Variants in TNNI3K observed in about 807,000 individuals in gnomAD.
TNNI3K encodes the protein TNNI3 interacting kinase, also known as serine/threonine-protein kinase TNNI3K.
Under a neutral mutation model 114.5 loss-of-function variants are expected in TNNI3K, and 140 were observed. The observed-to-expected ratio is 1.22, with a 90% confidence interval of 1.07 to 1.41. TNNI3K has a LOEUF of 1.41. Among genes scored for constraint, TNNI3K ranks in the 40% most tolerant of loss-of-function variants. The probability of loss-of-function intolerance (pLI) is 0.00; values close to 1 mark genes in which losing one functional copy is unlikely to be tolerated. For missense variants in TNNI3K, 1,125 were observed against 1,007.6 expected (o/e 1.12, Z -1.58); for synonymous variants, 347 against 347.5 (o/e 1.00, Z 0.02).
Position 74,311,966 on chromosome 1 carries a change from G to T in TNNI3K, c.445-19484G>T, listed in dbSNP as rs1031567668. Among the ~76,000 whole-genome samples, 3 of 152,082 alleles carry T rather than the reference G, an allele frequency of 2.0e-5. No individual in the cohort carries two copies. The East Asian group carries it at 5.8e-4, about 29-fold the overall frequency. ...CCTCATTAACATTATAAAGTTAACAGCCTTTAAGTTTGATAACCTGTGTGA... is the reference window on the plus strand; with the variant it reads ...CCTCATTAACATTATAAAGTTAACATCCTTTAAGTTTGATAACCTGTGTGA... On this transcript the variant is annotated intron_variant, in intron 5 of 24. Transcript: ENST00000326637.
Position 74,527,658 on chromosome 1 carries a change from T to A in TNNI3K, c.2352-12576T>A, listed in dbSNP as rs1570744502. On this transcript the variant is annotated intron_variant, in intron 23 of 24. Transcript: ENST00000326637. ...TATCAGCCAGGACAGGGTGTTAGGG[T>A]GTTGATCTACATGTGTTGGGCAGCC... is the stretch of plus-strand genomic sequence containing the variant. 2.0e-5 allele frequency among the ~76,000 whole-genome samples: 3 copies of A among 152,110 alleles called. No homozygotes were observed. In the South Asian group the frequency reaches 6.2e-4, roughly 32 times the overall value.
At chr1:74,289,280 A>G (rs1209314599) in intron 5 of TNNI3K, among the ~76,000 whole-genome samples, 1 of 150,654 alleles carries the variant, frequency 6.6e-6, no homozygotes, top group African/African-American at 2.5e-5. Context: ...TAATTAAAAA[A>G]TGATGATCAC....
chr1:74,356,771 A>G (rs1050436195), intron 11 of TNNI3K, among the ~76,000 whole-genome samples: 6 of 152,324 alleles, frequency 3.9e-5, no homozygotes, highest in Non-Finnish European at 5.9e-5. Context: ...TTTCCTATGA[A>G]ATGTCAACAA....
intron 17 of TNNI3K, among the ~76,000 whole-genome samples, chr1:74,419,661 CTAGA>C (rs1665299595): frequency 6.6e-6 from 1 of 152,048 alleles, no homozygotes; most frequent in African/African-American, 2.4e-5. Context: ...TGTCTACAAA[CTAGA>C]TATTCAGCAT....
chr1:74,480,901 GT>G (rs1222316515), intron 21 of TNNI3K: 10 of 717,292 alleles, frequency 1.4e-5, no homozygotes, highest in Non-Finnish European at 2.3e-5. Flanking sequence ...AGAGAGACAG[GT>G]TTGTGCTCTC....
At chr1:74,388,715 T>G (rs1231676442) in intron 17 of TNNI3K, among the ~76,000 whole-genome samples, 1 of 152,254 alleles carries the variant, frequency 6.6e-6, no homozygotes, top group African/African-American at 2.4e-5. Context: ...GTTCTCATAT[T>G]TGAATATTTT....
At chr1:74,357,120 C>T (rs937354021) in intron 11 of TNNI3K, among the ~76,000 whole-genome samples, 1 of 152,174 alleles carries the variant, frequency 6.6e-6, no homozygotes, top group Non-Finnish European at 1.5e-5. Context: ...TGCTTCCCTG[C>T]CTCCTTGGAG....
rs1242698398 is a variant in TNNI3K, at chr1:74,331,451, C to T, written c.446C>T (p.Ala149Val). The T allele has an allele frequency of 2.5e-6, 4 of 1,612,654 alleles. No individual in the cohort carries two copies. In the African/African-American group the frequency reaches 5.3e-5, roughly 22 times the overall value. The change falls in exon 6 of 25, where the codon GCT becomes GTT. Residue 149 changes from alanine (A) to valine (V), a missense_variant and splice_region_variant. Ala to Val is a moderately conservative substitution (Grantham distance 64). Coordinates refer to ENST00000326637, the MANE Select transcript of TNNI3K (RefSeq NM_015978.3). ...AACCATAATCATTTTCTTGTCCAGG[C>T]TGCTGATGTGCTGTTGCAACATGGA... ...HIATIAGHLE[A>V]ADVLLQHGAN...
At position 74,354,817 on chromosome 1, in the gene TNNI3K, C is replaced by T. The variant is rs114442775; in HGVS notation, c.1177+688C>T. Reference sequence around the variant, plus strand: ...GATAATATACGCAAATTGCTTAGAACAGTGGCTGACACAAAATAAATGCTA... The same window carrying T: ...GATAATATACGCAAATTGCTTAGAATAGTGGCTGACACAAAATAAATGCTA... On this transcript the variant is annotated intron_variant, in intron 11 of 24. Transcript: ENST00000326637. Among the ~76,000 whole-genome samples the T allele has an allele frequency of 6.6e-3, 1,001 of 152,230 alleles. 15 individuals carry two copies. Among genetic ancestry groups the T allele is most frequent in the African/African-American group, 0.023 (961 of 41,556 alleles).
At chr1:74,478,155 G>A (rs1222744715) in intron 21 of TNNI3K, among the ~76,000 whole-genome samples, 1 of 152,140 alleles carries the variant, frequency 6.6e-6, no homozygotes, top group Non-Finnish European at 1.5e-5. Context: ...CACCACACGT[G>A]TGCTTCAGAA....
chr1:74,250,368 A>T (rs78485986), intron 3 of TNNI3K, among the ~76,000 whole-genome samples: 2 of 152,300 alleles, frequency 1.3e-5, no homozygotes, highest in Non-Finnish European at 2.9e-5. Context: ...CTTTTTCACT[A>T]ATAGTTTATT....
At chr1:74,308,934 C>T (rs1658812425) in intron 5 of TNNI3K, among the ~76,000 whole-genome samples, 1 of 152,084 alleles carries the variant, frequency 6.6e-6, no homozygotes, top group African/African-American at 2.4e-5. Context: ...AACACACCAC[C>T]TCCTAAGACT....
chr1:74,250,461 A>C (rs755662880), intron 3 of TNNI3K, among the ~76,000 whole-genome samples: 16 of 152,240 alleles, frequency 1.1e-4, no homozygotes, highest in Non-Finnish European at 2.2e-4. Flanking sequence ...CAGAGTCAAA[A>C]TACACAGCAT....
chr1:74,502,167 A>G (rs1669666955), intron 23 of TNNI3K, among the ~76,000 whole-genome samples: 1 of 152,194 alleles, frequency 6.6e-6, no homozygotes, highest in Non-Finnish European at 1.5e-5. Context: ...TGGAGTGATA[A>G]TCTTAGAAAA....
chr1:74,500,368 G>A lies in TNNI3K; in HGVS notation c.2351+8102G>A, dbSNP rs368577879. ...AAAATTATTTAAGCCTTGGGAGGCC[G>A]AGGCGGGCGGATCACGAGGTCAGGA... On this transcript the variant is annotated intron_variant, in intron 23 of 24. Coordinates refer to ENST00000326637, the MANE Select transcript of TNNI3K (RefSeq NM_015978.3). 5.3e-5 allele frequency among the ~76,000 whole-genome samples: 8 copies of A among 151,580 alleles called. No homozygotes were observed. In the East Asian group the frequency reaches 1.5e-3, roughly 29 times the overall value.
At chr1:74,304,552 C>T (rs907824820) in intron 5 of TNNI3K, among the ~76,000 whole-genome samples, 1 of 152,160 alleles carries the variant, frequency 6.6e-6, no homozygotes, top group Non-Finnish European at 1.5e-5. Flanking sequence ...ACATGAACCT[C>T]CTCACTCAGC....
Position 74,536,914 on chromosome 1 carries a change from G to A in TNNI3K, c.2352-3320G>A, listed in dbSNP as rs188530389. The stretch of plus-strand genomic sequence containing the variant: ...AGGTCCTGATGAATCTTCTAAATCC[G>A]GGCATCTGTGAAATGCTTGCTGAAG... On this transcript the variant is annotated intron_variant, in intron 23 of 24. Coordinates refer to ENST00000326637, the MANE Select transcript of TNNI3K (RefSeq NM_015978.3). 3.9e-5 allele frequency among the ~76,000 whole-genome samples: 6 copies of A among 151,988 alleles called. No homozygotes were observed. In the South Asian group the frequency reaches 6.2e-4, roughly 16 times the overall value.
intron 5 of TNNI3K, among the ~76,000 whole-genome samples, chr1:74,313,638 C>G (rs1157273668): frequency 1.3e-5 from 2 of 152,138 alleles, no homozygotes; most frequent in East Asian, 1.9e-4. Context: ...CTCCATAGAT[C>G]TAGCACTCAG....
At chr1:74,262,836 G>T (rs1655759619) in intron 4 of TNNI3K, among the ~76,000 whole-genome samples, 1 of 152,110 alleles carries the variant, frequency 6.6e-6, no homozygotes, top group Non-Finnish European at 1.5e-5. Flanking sequence ...ACACCAGACA[G>T]TAGTATTTCC....
Sources: gnomAD v4.1 joint callset for allele counts (sites outside exome capture counted in the v4.1 genomes callset) on GRCh38, gnomAD v4.1.1 for gene constraint, MANE v1.5 for transcripts, NCBI Gene and HGNC (gene_info 2026-07-23, HGNC 2026-07-21) for gene names.